The following EGFLAM variants were observed in gnomAD, a reference collection of about 807,000 sequenced individuals.
EGFLAM encodes pikachurin.
Under a neutral mutation model 113.1 loss-of-function variants are expected in EGFLAM, and 79 were observed. The observed-to-expected ratio is 0.70, with a 90% CI of 0.58 to 0.84. The LOEUF (loss-of-function observed/expected upper bound fraction) is 0.84, where lower values mean the gene tolerates loss of function less well. Ranked by LOEUF, EGFLAM falls within the 40% of genes least tolerant of loss-of-function variation. The pLI is 0.00. For missense variants in EGFLAM, 1,265 were observed against 1,291.6 expected (o/e 0.98, Z 0.32); for synonymous variants, 504 against 487.6 (o/e 1.03, Z -0.44).
intron 1 of EGFLAM, among the ~76,000 whole-genome samples, chr5:38,316,673 T>A (rs1738604030): frequency 6.6e-6 from 1 of 152,154 alleles, no homozygotes; most frequent in South Asian, 2.1e-4. Flanking sequence ...TCCATGACAC[T>A]CCACTGCCTT....
At chr5:38,307,792 G>T (rs1458091998) in intron 1 of EGFLAM, among the ~76,000 whole-genome samples, 1 of 152,166 alleles carries the variant, frequency 6.6e-6, no homozygotes, top group Non-Finnish European at 1.5e-5. Context: ...GACATGCAGG[G>T]GACCATATGC....
At chr5:38,411,240 C>T (rs903667426) in intron 10 of EGFLAM, among the ~76,000 whole-genome samples, 14 of 151,930 alleles carry the variant, frequency 9.2e-5, no homozygotes, top group South Asian at 2.1e-4. Flanking sequence ...CCATCCTGGC[C>T]AACATGGCGA....
intron 1 of EGFLAM, among the ~76,000 whole-genome samples, chr5:38,312,661 G>T (rs1427046322): frequency 1.3e-5 from 2 of 152,192 alleles, no homozygotes; most frequent in African/African-American, 4.8e-5. Flanking sequence ...GCCTTTGGTT[G>T]TAGGTACTTG....
chr5:38,383,858 G>A (rs1561059532), intron 6 of EGFLAM, among the ~76,000 whole-genome samples: 1 of 151,854 alleles, frequency 6.6e-6, no homozygotes, highest in Non-Finnish European at 1.5e-5. Context: ...GAGGTCCTGG[G>A]GTGACAGCCC....
intron 1 of EGFLAM, among the ~76,000 whole-genome samples, chr5:38,329,846 G>A (rs529895888): frequency 6.6e-6 from 1 of 152,050 alleles, no homozygotes. Context: ...CTGCTAATTT[G>A]TGTCCCTATG....
intron 5 of EGFLAM, among the ~76,000 whole-genome samples, chr5:38,362,993 G>A (rs187125602): frequency 1.1e-4 from 16 of 152,306 alleles, no homozygotes; most frequent in Admixed American, 2.0e-4. Context: ...CCCCACCTGG[G>A]ACAAATTGCC....
intron 10 of EGFLAM, among the ~76,000 whole-genome samples, chr5:38,411,463 C>T (rs1210921288): frequency 6.7e-6 from 1 of 150,056 alleles, no homozygotes; most frequent in African/African-American, 2.5e-5. Flanking sequence ...TGCGGATTAG[C>T]TACTACCTTT....
At chr5:38,262,809 G>A (rs1159587948) in intron 1 of EGFLAM, among the ~76,000 whole-genome samples, 1 of 152,182 alleles carries the variant, frequency 6.6e-6, no homozygotes. Flanking sequence ...GAAGTCTTTG[G>A]AAGATATATG....
chr5:38,337,381 T>A, intron 1 of EGFLAM, 139 bp from the exon 2 acceptor site: 1 of 790,878 alleles, frequency 1.3e-6, no homozygotes, highest in Non-Finnish European at 2.0e-6. Flanking sequence ...GTGTGGTGTA[T>A]CAGAAATTGA....
chr5:38,274,961 G>A (rs573270696), intron 1 of EGFLAM, among the ~76,000 whole-genome samples: 43 of 150,606 alleles, frequency 2.9e-4, no homozygotes, highest in African/African-American at 1.1e-3. Context: ...TGGAGGGGTA[G>A]TGAAGTTAAA....
chr5:38,354,599 G>A (rs1387884722), intron 5 of EGFLAM, among the ~76,000 whole-genome samples: 8 of 152,066 alleles, frequency 5.3e-5, no homozygotes, highest in Non-Finnish European at 7.4e-5. Flanking sequence ...GCATGGTGGC[G>A]GGTACCTGTA....
At chr5:38,456,805 A>G (rs1743102993) in intron 19 of EGFLAM, among the ~76,000 whole-genome samples, 1 of 152,226 alleles carries the variant, frequency 6.6e-6, no homozygotes, top group African/African-American at 2.4e-5. Flanking sequence ...AAGGAGAGAT[A>G]TGTCCTCTTA....
intron 19 of EGFLAM, among the ~76,000 whole-genome samples, chr5:38,455,811 G>C (rs1003958443): frequency 3.9e-5 from 6 of 152,098 alleles, no homozygotes; most frequent in Non-Finnish European, 2.9e-5. Context: ...GAGAGTTGTC[G>C]GGCTGCAGAA....
intron 1 of EGFLAM, among the ~76,000 whole-genome samples, chr5:38,315,607 C>A (rs1018070447): frequency 6.6e-6 from 1 of 152,182 alleles, no homozygotes; most frequent in East Asian, 1.9e-4. Context: ...TCCTCCCCAA[C>A]AAGAGAGAGC....
At chr5:38,286,611 A>C (rs192122240) in intron 1 of EGFLAM, among the ~76,000 whole-genome samples, 2 of 152,306 alleles carry the variant, frequency 1.3e-5, no homozygotes, top group Admixed American at 1.3e-4. Context: ...GGGCATGGAA[A>C]GCCCTAGGTA....
intron 5 of EGFLAM, among the ~76,000 whole-genome samples, chr5:38,368,904 T>C (rs987853195): frequency 6.6e-5 from 10 of 152,162 alleles, no homozygotes; most frequent in Non-Finnish European, 1.3e-4. Flanking sequence ...ACCTACTGCA[T>C]AGGGCATTTT....
intron 1 of EGFLAM, among the ~76,000 whole-genome samples, chr5:38,262,225 C>T (rs1436423501): frequency 6.6e-6 from 1 of 152,186 alleles, no homozygotes; most frequent in Non-Finnish European, 1.5e-5. Context: ...GGGAGGACTG[C>T]CGTGCTTCTG....
At chr5:38,281,018 A>T (rs1420989667) in intron 1 of EGFLAM, among the ~76,000 whole-genome samples, 1 of 152,148 alleles carries the variant, frequency 6.6e-6, no homozygotes, top group Admixed American at 6.5e-5. Flanking sequence ...CCACTTGGAT[A>T]AGGGGATGTT....
intron 11 of EGFLAM, among the ~76,000 whole-genome samples, chr5:38,413,185 ATTTTTTTT>A (rs34326457): frequency 1.8e-4 from 18 of 100,880 alleles, no homozygotes; most frequent in Admixed American, 3.5e-4. Context: ...TGCCTGGCTA[ATTTTTTTT>A]TTTTTTTTTT....
Sources: gnomAD v4.1 joint callset for allele counts (sites outside exome capture counted in the v4.1 genomes callset) on GRCh38, gnomAD v4.1.1 for gene constraint, MANE v1.5 for transcripts, NCBI Gene and HGNC (gene_info 2026-07-23, HGNC 2026-07-21) for gene names.